Variants in UNC5D observed in about 807,000 individuals in gnomAD.
The protein encoded by UNC5D is unc-5 netrin receptor D, also known as netrin receptor UNC5D.
A neutral mutation model predicts 105.4 loss-of-function variants in UNC5D; 39 were observed. That is an observed-to-expected ratio of 0.37 (90% CI 0.29 to 0.48). UNC5D has a LOEUF of 0.48. Ranked by LOEUF, UNC5D falls within the 20% of genes least tolerant of loss-of-function variation. The pLI, the probability that UNC5D is intolerant of heterozygous loss-of-function variation, is 0.98. For synonymous variants in UNC5D, 452 were observed against 450.4 expected (o/e 1.00, Z -0.04); for missense variants, 991 against 1,202.4 (o/e 0.82, Z 2.60).
At chr8:35,454,640 C>T (rs1417033842) in intron 1 of UNC5D, among the ~76,000 whole-genome samples, 5 of 152,028 alleles carry the variant, frequency 3.3e-5, no homozygotes, top group Admixed American at 3.3e-4. Context: ...CCCTACAAGC[C>T]CACACTCTTT....
intron 1 of UNC5D, among the ~76,000 whole-genome samples, chr8:35,364,853 A>C (rs1161925513): frequency 6.6e-6 from 1 of 152,182 alleles, no homozygotes; most frequent in Non-Finnish European, 1.5e-5. Context: ...CTTATTTGTT[A>C]ATCAAGGAAT....
At chr8:35,506,628 C>T (rs1812322124) in intron 1 of UNC5D, among the ~76,000 whole-genome samples, 1 of 152,292 alleles carries the variant, frequency 6.6e-6, no homozygotes, top group East Asian at 1.9e-4. Context: ...TGAAGTATTT[C>T]GGAATCTAAA....
At chr8:35,683,754 G>A in intron 5 of UNC5D, 27 bp downstream of exon 5, 1 of 1,456,068 alleles carries the variant, frequency 6.9e-7, no homozygotes, top group Non-Finnish European at 9.0e-7. Flanking sequence ...GGCCAGGAAT[G>A]GATAGGGAGG....
At chr8:35,464,309 A>C (rs781733477) in intron 1 of UNC5D, among the ~76,000 whole-genome samples, 4 of 152,156 alleles carry the variant, frequency 2.6e-5, no homozygotes, top group Non-Finnish European at 4.4e-5. Context: ...CCTGGGCGAC[A>C]AGAGTGAGAC....
chr8:35,464,293 T>TTCCAGCC (rs1446977225), intron 1 of UNC5D, among the ~76,000 whole-genome samples: 1 of 151,908 alleles, frequency 6.6e-6, no homozygotes, highest in Non-Finnish European at 1.5e-5. Flanking sequence ...CGCAACTGCA[T>TTCCAGCC]TCCAGCCTGG....
chr8:35,742,618 G>A (rs1829817545), intron 11 of UNC5D, among the ~76,000 whole-genome samples: 13 of 152,250 alleles, frequency 8.5e-5, no homozygotes, highest in Admixed American at 8.5e-4. Context: ...GCACAGCATG[G>A]AAGACAACAG....
chr8:35,584,563 C>T (rs537230571), intron 3 of UNC5D, among the ~76,000 whole-genome samples: 26 of 151,924 alleles, frequency 1.7e-4, no homozygotes, highest in African/African-American at 5.8e-4. Context: ...TACAGGCATG[C>T]GCCCCCAAGC....
At chr8:35,560,679 A>G (rs776129170) in intron 2 of UNC5D, among the ~76,000 whole-genome samples, 2 of 151,882 alleles carry the variant, frequency 1.3e-5, no homozygotes, top group Non-Finnish European at 2.9e-5. Context: ...TCATGTTAGA[A>G]GAAGGCCTAA....
chr8:35,311,291 T>C (rs1265230309), intron 1 of UNC5D, among the ~76,000 whole-genome samples: 1 of 152,118 alleles, frequency 6.6e-6, no homozygotes, highest in African/African-American at 2.4e-5. Flanking sequence ...CCTTGGACAC[T>C]GTGCCAAAAA....
chr8:35,641,294 G>A (rs571947723), intron 4 of UNC5D, among the ~76,000 whole-genome samples: 21 of 133,172 alleles, frequency 1.6e-4, no homozygotes, highest in South Asian at 1.5e-3. Context: ...ATTCAATCTC[G>A]TTTCAATTTT....
intron 3 of UNC5D, among the ~76,000 whole-genome samples, chr8:35,570,458 C>A (rs931644917): frequency 3.3e-5 from 5 of 152,132 alleles, no homozygotes; most frequent in African/African-American, 1.2e-4. Context: ...TATCAATCAT[C>A]GGCTATTATT....
rs147019430 is a variant in UNC5D at position 35,574,320 on chromosome 8, T to C, written c.466+6079T>C. On this transcript the variant is annotated intron_variant, in intron 3 of 16. Coordinates refer to ENST00000404895, the MANE Select transcript of UNC5D (RefSeq NM_080872.4). ...TTGCCTGTTTTAGTCAAGCCTGTTA[T>C]AGCAAGTTAGCCACTTGAAAGAAAA... Among the ~76,000 whole-genome samples the C allele has an allele frequency of 6.0e-3, 907 of 152,312 alleles. 2 individuals are homozygous for C. Among genetic ancestry groups the C allele is most frequent in the Middle Eastern group, 0.027 (8 of 294 alleles).
At chr8:35,366,705 G>A (rs547445151) in intron 1 of UNC5D, among the ~76,000 whole-genome samples, 3 of 152,118 alleles carry the variant, frequency 2.0e-5, no homozygotes, top group African/African-American at 7.2e-5. Context: ...TGGATAATGT[G>A]CATTCTAGAT....
At chr8:35,528,371 C>T (rs1310559185) in intron 1 of UNC5D, among the ~76,000 whole-genome samples, 1 of 151,100 alleles carries the variant, frequency 6.6e-6, no homozygotes, top group Non-Finnish European at 1.5e-5. Context: ...ACAAAGGACA[C>T]AAACTCATCA....
At chr8:35,772,932 T>A (rs1334972811) in intron 15 of UNC5D, among the ~76,000 whole-genome samples, 1 of 151,828 alleles carries the variant, frequency 6.6e-6, no homozygotes, top group Admixed American at 6.6e-5. Context: ...AGGTCCCAGA[T>A]ACATGACCCC....
rs142902217 is a variant in UNC5D, at chr8:35,382,742, C to A, written c.103+146855C>A. Among the ~76,000 whole-genome samples the A allele has an allele frequency of 4.3e-4, 66 of 152,266 alleles. No individual in the cohort carries two copies. In the East Asian group the frequency reaches 0.013, roughly 29 times the overall value. On this transcript the variant is annotated intron_variant, in intron 1 of 16. Transcript: ENST00000404895. ...ATATCTCAAGAAGGGCATTAACACT[C>A]GCCAGCTTACACACTGCTTGGATTC...
intron 9 of UNC5D, among the ~76,000 whole-genome samples, chr8:35,724,578 A>G (rs1254926467): frequency 6.6e-6 from 1 of 152,176 alleles, no homozygotes; most frequent in Non-Finnish European, 1.5e-5. Flanking sequence ...ATGCTATCAT[A>G]TGTACATATG....
At chr8:35,598,999 C>T (rs531206627) in intron 4 of UNC5D, among the ~76,000 whole-genome samples, 12 of 151,814 alleles carry the variant, frequency 7.9e-5, no homozygotes, top group African/African-American at 9.7e-5. Context: ...AAAAATTAGC[C>T]GGGTGTGGTG....
At chr8:35,577,887 C>T (rs570332159) in intron 3 of UNC5D, among the ~76,000 whole-genome samples, 1 of 152,122 alleles carries the variant, frequency 6.6e-6, no homozygotes, top group African/African-American at 2.4e-5. Context: ...ATGTGATATC[C>T]TGATGTGATA....
Sources: allele counts gnomAD v4.1 joint callset (sites outside exome capture counted in the v4.1 genomes callset), GRCh38; gene constraint gnomAD v4.1.1; transcripts MANE v1.5; gene names NCBI Gene and HGNC (gene_info 2026-07-23, HGNC 2026-07-21).